The following IGF2BP2 variants were observed in gnomAD, a reference collection of about 807,000 sequenced individuals.
IGF2BP2 encodes the protein insulin-like growth factor 2 mRNA-binding protein 2.
IGF2BP2 carries 17 observed loss-of-function variants against 75.8 expected under a neutral mutation model. The observed-to-expected ratio is 0.22, with a 90% CI of 0.15 to 0.34. The LOEUF is 0.34. Among genes scored for constraint, IGF2BP2 ranks in the 10% least tolerant of loss-of-function variants. IGF2BP2 has a pLI of 1.00. For missense variants in IGF2BP2, 516 were observed against 772.4 expected (o/e 0.67, Z 3.93); for synonymous variants, 288 against 295.6 (o/e 0.97, Z 0.26).
intron 2 of IGF2BP2, among the ~76,000 whole-genome samples, chr3:185,715,209 C>A (rs1371750502): frequency 1.3e-5 from 2 of 152,186 alleles, no homozygotes; most frequent in Non-Finnish European, 2.9e-5. Flanking sequence ...GAATGAGGCA[C>A]ACAAAGGCAT....
chr3:185,657,499 T>A lies in IGF2BP2; in HGVS notation c.1270-97A>T, dbSNP rs929555914. ...AAGCACCTTACCATGAACCCCATGG[T>A]GGGAAGGCCCCGCCACCCAAGGAAA... On this transcript the variant is annotated intron_variant, in intron 11 of 15. Coordinates refer to ENST00000382199, the MANE Select transcript of IGF2BP2 (RefSeq NM_006548.6). 19 of 910,534 alleles carry A rather than the reference T, an allele frequency of 2.1e-5. No individual in the cohort carries two copies. In the East Asian group the frequency reaches 4.0e-4, roughly 19 times the overall value. 56.4% of individuals were successfully genotyped at this position (910,534 alleles called of 1,614,324 possible).
chr3:185,719,778 G>A (rs1192431847), intron 2 of IGF2BP2, among the ~76,000 whole-genome samples: 2 of 152,124 alleles, frequency 1.3e-5, no homozygotes, highest in Non-Finnish European at 2.9e-5. Flanking sequence ...AGGTTGCAGT[G>A]AGCCGAGATC....
intron 2 of IGF2BP2, among the ~76,000 whole-genome samples, chr3:185,783,620 C>G (rs1263442760): frequency 6.6e-6 from 1 of 152,190 alleles, no homozygotes; most frequent in African/African-American, 2.4e-5. Context: ...CTTCCAAGAC[C>G]TGACTGGCCG....
At chr3:185,671,240 T>A (rs1045727844) in intron 10 of IGF2BP2, among the ~76,000 whole-genome samples, 6 of 152,144 alleles carry the variant, frequency 3.9e-5, no homozygotes, top group Non-Finnish European at 8.8e-5. Flanking sequence ...AGAGGTGGTA[T>A]GAAGAGATTT....
chr3:185,805,649 T>C (rs1424293146), intron 2 of IGF2BP2, among the ~76,000 whole-genome samples: 1 of 152,136 alleles, frequency 6.6e-6, no homozygotes, highest in Non-Finnish European at 1.5e-5. Flanking sequence ...CAAAATATTT[T>C]AAAAACCAAC....
chr3:185,761,040 A>G (rs994940969), intron 2 of IGF2BP2, among the ~76,000 whole-genome samples: 1 of 152,208 alleles, frequency 6.6e-6, no homozygotes, highest in Non-Finnish European at 1.5e-5. Flanking sequence ...GAATGAATGC[A>G]TAACATTTAT....
At chr3:185,734,277 G>A (rs1411357662) in intron 2 of IGF2BP2, among the ~76,000 whole-genome samples, 1 of 152,096 alleles carries the variant, frequency 6.6e-6, no homozygotes, top group Admixed American at 6.6e-5. Flanking sequence ...GGGCGGGTTG[G>A]GCAACTTATC....
At chr3:185,657,044 A>G (rs1273724870) in intron 12 of IGF2BP2, among the ~76,000 whole-genome samples, 47 of 152,234 alleles carry the variant, frequency 3.1e-4, no homozygotes, top group Admixed American at 3.1e-3. Flanking sequence ...ATGATAAAAC[A>G]AAAAGGACTG....
At chr3:185,704,446 T>TACCC (rs952645225) in intron 2 of IGF2BP2, among the ~76,000 whole-genome samples, 7 of 152,178 alleles carry the variant, frequency 4.6e-5, no homozygotes, top group African/African-American at 1.7e-4. Flanking sequence ...TCCAACCCTC[T>TACCC]ACCCAACTGT....
chr3:185,662,543 C>CT (rs1172808795), intron 10 of IGF2BP2, among the ~76,000 whole-genome samples: 1,908 of 112,624 alleles, frequency 0.017, 22 homozygotes, highest in African/African-American at 0.027. Context: ...CCTTCCCATA[C>CT]TTTTTTTTTT....
chr3:185,696,600 C>T lies in IGF2BP2; in HGVS notation c.340+12G>A, dbSNP rs368654929. On this transcript the variant is annotated intron_variant, in intron 4 of 15. Coordinates refer to ENST00000382199, the MANE Select transcript of IGF2BP2 (RefSeq NM_006548.6). The stretch of plus-strand genomic sequence containing the variant: ...CTCTCTCCAAAACCCAAAAGGCTTC[C>T]TCACTTATTACCTTGTTCCACATTC... 1 of 1,612,530 alleles carries T rather than the reference C, an allele frequency of 6.2e-7. No homozygotes were observed. The highest frequency in any genetic ancestry group is 1.7e-5 in the Admixed American group (1 of 59,988).
At chr3:185,745,332 T>C (rs538039850) in intron 2 of IGF2BP2, among the ~76,000 whole-genome samples, 1 of 152,160 alleles carries the variant, frequency 6.6e-6, no homozygotes, top group Non-Finnish European at 1.5e-5. Flanking sequence ...GTGTGAGGTA[T>C]ACTGCTGGGC....
At chr3:185,801,351 T>C (rs1386528677) in intron 2 of IGF2BP2, among the ~76,000 whole-genome samples, 1 of 151,734 alleles carries the variant, frequency 6.6e-6, no homozygotes, top group Non-Finnish European at 1.5e-5. Flanking sequence ...TAGCCAGGCG[T>C]GGTGGCACAT....
chr3:185,742,132 A>G (rs1460989971), intron 2 of IGF2BP2, among the ~76,000 whole-genome samples: 9 of 152,040 alleles, frequency 5.9e-5, no homozygotes, highest in Admixed American at 5.9e-4. Context: ...AATTTTTTTA[A>G]AAAGTGAAAT....
Position 185,675,324 on chromosome 3 carries a change from G to C in IGF2BP2, c.1043C>G (p.Ala348Gly). ...AACAGCCAGCATATCATTTTCAAAG[G>C]CCTCACGCAGCTTCTTCATAATCTC... ...EIEIMKKLREAFENDMLAVNQ... is the reference protein window; with the variant it reads ...EIEIMKKLREGFENDMLAVNQ... The change falls in exon 9 of 16, where the codon GCC becomes GGC. Residue 348 changes from alanine to glycine, a missense_variant. Coordinates refer to ENST00000382199, the MANE Select transcript of IGF2BP2 (RefSeq NM_006548.6). 1 of 1,610,772 alleles carries C rather than the reference G, an allele frequency of 6.2e-7. No individual in the cohort carries two copies. Among genetic ancestry groups the C allele is most frequent in the Non-Finnish European group, 8.5e-7 (1 of 1,179,478 alleles).
At chr3:185,776,576 C>A (rs570717428) in intron 2 of IGF2BP2, among the ~76,000 whole-genome samples, 1 of 152,056 alleles carries the variant, frequency 6.6e-6, no homozygotes, top group Non-Finnish European at 1.5e-5. Flanking sequence ...TGGAGCTATC[C>A]AATAGGAAGG....
intron 2 of IGF2BP2, chr3:185,716,740 G>A (rs1373807341): frequency 3.8e-6 from 2 of 520,006 alleles, no homozygotes; most frequent in Non-Finnish European, 7.7e-6. Context: ...GCGCTGGCTG[G>A]TCATCAGAAT....
At chr3:185,824,316 C>T (rs1741755475) in intron 1 of IGF2BP2, among the ~76,000 whole-genome samples, 1 of 149,140 alleles carries the variant, frequency 6.7e-6, no homozygotes, top group Non-Finnish European at 1.5e-5. Flanking sequence ...AGGTTCTGGG[C>T]ACGAGGCACT....
At chr3:185,717,518 G>A (rs550766642) in intron 2 of IGF2BP2, 3 of 152,228 alleles carry the variant, frequency 2.0e-5, no homozygotes, top group Non-Finnish European at 4.4e-5. Flanking sequence ...TTCAATGTCA[G>A]AGATAGAGCG....
Sources: allele counts gnomAD v4.1 joint callset (sites outside exome capture counted in the v4.1 genomes callset), GRCh38; gene constraint gnomAD v4.1.1; transcripts MANE v1.5; gene names NCBI Gene and HGNC (gene_info 2026-07-23, HGNC 2026-07-21).